TIPIN: variants seen among roughly 807,000 people sequenced by gnomAD.
TIPIN encodes TIMELESS interacting protein, also known as TIMELESS-interacting protein.
TIPIN carries 29 observed loss-of-function variants against 35.6 expected under a neutral mutation model. The observed-to-expected ratio is 0.82, with a 90% CI of 0.61 to 1.11. TIPIN has a LOEUF of 1.11. Among genes scored for constraint, TIPIN ranks in the 50% most tolerant of loss-of-function variants. The pLI is 0.00. For synonymous variants in TIPIN, 102 were observed against 121.5 expected, an observed-to-expected ratio of 0.84 and a Z score of 1.06; for missense variants, 296 against 345.4, an observed-to-expected ratio of 0.86 and a Z score of 1.13.
intron 1 of TIPIN, among the ~76,000 whole-genome samples, chr15:66,386,229 T>A (rs1346470074): frequency 1.5e-4 from 23 of 150,102 alleles, no homozygotes; most frequent in African/African-American, 2.5e-5. Context: ...GAGGCAGAGG[T>A]GGTAGTTAGC....
intron 4 of TIPIN, among the ~76,000 whole-genome samples, 197 bp from the exon 5 acceptor site, chr15:66,349,634 T>C (rs1207539519): frequency 6.6e-6 from 1 of 152,124 alleles, no homozygotes; most frequent in Non-Finnish European, 1.5e-5. Context: ...ATTCTAGCAC[T>C]ATGGGAGGCC....
At chr15:66,358,669 A>T (rs1220061499), upstream of TIPIN, among the ~76,000 whole-genome samples, 1 of 152,132 alleles carries the variant, frequency 6.6e-6, no homozygotes, top group Non-Finnish European at 1.5e-5. Flanking sequence ...TCCCCTCCTC[A>T]GCCTCCCAAG....
At chr15:66,361,163 T>C (rs910694654), upstream of TIPIN, among the ~76,000 whole-genome samples, 10 of 151,948 alleles carry the variant, frequency 6.6e-5, no homozygotes, top group Non-Finnish European at 1.5e-4. Context: ...CTGAACATTT[T>C]AGTACCTTGT....
intron 6 of TIPIN, among the ~76,000 whole-genome samples, chr15:66,344,817 T>C (rs1373433401): frequency 6.6e-6 from 1 of 152,072 alleles, no homozygotes; most frequent in Non-Finnish European, 1.5e-5. Context: ...TGCAGAGCTA[T>C]GATCATGCCA....
chr15:66,382,685 G>A (rs2093322589), intron 1 of TIPIN: 1 of 156,612 alleles, frequency 6.4e-6, no homozygotes, highest in African/African-American at 2.4e-5. Context: ...CACCTGGCCT[G>A]TATTTCTTGG....
upstream of TIPIN, among the ~76,000 whole-genome samples, chr15:66,358,907 G>C (rs1379878842): frequency 1.3e-5 from 2 of 151,972 alleles, no homozygotes; most frequent in South Asian, 4.2e-4. Context: ...GCCAGGTGTG[G>C]TGGGTGCCTG....
intron 1 of TIPIN, among the ~76,000 whole-genome samples, chr15:66,369,991 C>A (rs951841213): frequency 3.9e-5 from 6 of 152,232 alleles, no homozygotes; most frequent in African/African-American, 7.2e-5. Flanking sequence ...CAACAAAAAA[C>A]CCCAATTATG....
upstream of TIPIN, among the ~76,000 whole-genome samples, chr15:66,358,241 A>C (rs2093215797): frequency 6.6e-6 from 1 of 152,246 alleles, no homozygotes; most frequent in African/African-American, 2.4e-5. Context: ...TGAAAGTGGC[A>C]TATGGGATAG....
At position 66,339,149 on chromosome 15, in the gene TIPIN, A is replaced by G. The variant is rs1430826819; in HGVS notation, c.683-1968T>C. 6.0e-4 allele frequency among the ~76,000 whole-genome samples: 33 copies of G among 55,280 alleles called. 3 individuals are homozygous for G. The highest frequency in any genetic ancestry group is 2.7e-3 in the African/African-American group (26 of 9,644). 36.3% of individuals were successfully genotyped at this position (55,280 alleles called of 152,430 possible). On this transcript the variant is annotated intron_variant, in intron 7 of 7. Transcript: ENST00000261881. Reference sequence around the variant, plus strand: ...TCCATCTCAAAAAAAAAAAAAAAAAAAAAAAAAAGCAAAAAGAAAAAGTAA... The same window carrying G: ...TCCATCTCAAAAAAAAAAAAAAAAAGAAAAAAAAGCAAAAAGAAAAAGTAA...
chr15:66,362,545 A>C (rs1399128014), intron 1 of TIPIN, among the ~76,000 whole-genome samples: 1 of 151,720 alleles, frequency 6.6e-6, no homozygotes. Flanking sequence ...ACATGGGGAA[A>C]CCCCATCTCG....
intron 7 of TIPIN, 124 bp downstream of exon 7, chr15:66,341,026 A>G (rs1275029967): frequency 1.2e-6 from 1 of 802,796 alleles, no homozygotes; most frequent in African/African-American, 1.7e-5. Context: ...AATATACATA[A>G]ACTTAATATC....
intron 1 of TIPIN, 126 bp downstream of exon 1, chr15:66,356,513 C>G (rs2093205004): frequency 9.0e-6 from 7 of 779,784 alleles, no homozygotes; most frequent in South Asian, 1.2e-4. Context: ...CTCCTGACCC[C>G]CTTCCTGCGA....
At chr15:66,345,307 GTGGCTCACACC>G (rs1205372957) in intron 6 of TIPIN, among the ~76,000 whole-genome samples, 1 of 152,174 alleles carries the variant, frequency 6.6e-6, no homozygotes, top group Non-Finnish European at 1.5e-5. Context: ...GCCAAGCACA[GTGGCTCACACC>G]TGTAATCCCG....
At chr15:66,338,597 G>A (rs2093061449) in intron 7 of TIPIN, among the ~76,000 whole-genome samples, 2 of 151,446 alleles carry the variant, frequency 1.3e-5, no homozygotes, top group African/African-American at 2.4e-5. Flanking sequence ...GGTGGATCAC[G>A]AGGTTAGGGG....
intron 3 of TIPIN, 127 bp downstream of exon 3, chr15:66,352,002 A>G (rs1323950715): frequency 1.4e-6 from 1 of 721,376 alleles, no homozygotes; most frequent in East Asian, 3.0e-5. Flanking sequence ...GTTCTGCTGA[A>G]CTAAAAAAAA....
At chr15:66,357,130 G>A (rs887128482), upstream of TIPIN, among the ~76,000 whole-genome samples, 30 of 151,952 alleles carry the variant, frequency 2.0e-4, no homozygotes, top group Admixed American at 1.8e-3. Flanking sequence ...GGGATTAGTT[G>A]CCCAGGCTGG....
At chr15:66,382,956 T>C in intron 1 of TIPIN, 3 of 985,362 alleles carry the variant, frequency 3.0e-6, no homozygotes, top group Non-Finnish European at 3.6e-6. Flanking sequence ...GAAAAGGAAA[T>C]GAGGAAAACA....
chr15:66,348,748 C>T (rs1402797877), intron 6 of TIPIN, among the ~76,000 whole-genome samples: 1 of 151,762 alleles, frequency 6.6e-6, no homozygotes, highest in African/African-American at 2.4e-5. Flanking sequence ...AGTGTGAGAG[C>T]AGCCAAGGCA....
chr15:66,350,206 C>T (rs62011720), intron 4 of TIPIN, among the ~76,000 whole-genome samples: 8,584 of 151,856 alleles, frequency 0.057, 336 homozygotes, highest in Middle Eastern at 0.11. Flanking sequence ...TCAAGTGATC[C>T]GCCCACCCTG....
Sources: gnomAD v4.1 joint callset for allele counts (sites outside exome capture counted in the v4.1 genomes callset) on GRCh38, gnomAD v4.1.1 for gene constraint, MANE v1.5 for transcripts, NCBI Gene and HGNC (gene_info 2026-07-23, HGNC 2026-07-21) for gene names.